Variants in CAMKK1 observed in about 807,000 individuals in gnomAD.
CAMKK1 encodes calcium/calmodulin-dependent protein kinase kinase 1.
A neutral mutation model predicts 63.5 loss-of-function variants in CAMKK1; 20 were observed. The observed-to-expected ratio is 0.32, with a 90% confidence interval of 0.22 to 0.46. The LOEUF is 0.46. Among genes scored for constraint, CAMKK1 ranks in the 20% least tolerant of loss-of-function variants. The probability of loss-of-function intolerance (pLI) is 1.00; values close to 1 mark genes in which losing one functional copy is unlikely to be tolerated. For missense variants in CAMKK1, 588 were observed against 658.1 expected (o/e 0.89, Z 1.17); for synonymous variants, 253 against 269.0 (o/e 0.94, Z 0.58).
At position 3,882,605 on chromosome 17, in the gene CAMKK1, G is replaced by T; in HGVS notation, c.649-41C>A. The T allele has an allele frequency of 6.4e-7, 1 of 1,570,488 alleles. No homozygotes were observed. The highest frequency in any genetic ancestry group is 8.6e-7 in the Non-Finnish European group (1 of 1,156,874). Reference sequence around the variant, plus strand: ...AGACATGGGGGTGGGGCTTGAGGAGGCGTGGGGTTGGAGGTCCCAGGCCTC... The same window carrying T: ...AGACATGGGGGTGGGGCTTGAGGAGTCGTGGGGTTGGAGGTCCCAGGCCTC... On this transcript the variant is annotated intron_variant, in intron 6 of 15. Coordinates refer to ENST00000348335, the MANE Select transcript of CAMKK1 (RefSeq NM_032294.3). The surrounding 1 kb of genome is among the most constrained non-coding windows in gnomAD (Gnocchi z 4.3).
chr17:3,867,058 A>C (rs912837809), intron 14 of CAMKK1, among the ~76,000 whole-genome samples: 3 of 152,320 alleles, frequency 2.0e-5, no homozygotes, highest in East Asian at 1.9e-4. Flanking sequence ...GAGACAGGCG[A>C]TAAGTAAAGA....
intron 1 of CAMKK1, among the ~76,000 whole-genome samples, chr17:3,888,851 G>A (rs1052943438): frequency 6.6e-6 from 1 of 152,176 alleles, no homozygotes; most frequent in Admixed American, 6.5e-5. Flanking sequence ...GGCCGCGTGT[G>A]TGAGGGCGTG....
intron 12 of CAMKK1, among the ~76,000 whole-genome samples, chr17:3,870,176 C>G (rs555067598): frequency 2.6e-5 from 4 of 152,066 alleles, no homozygotes; most frequent in African/African-American, 9.7e-5. Context: ...GACCCACTCA[C>G]CACCTCGTCC....
chr17:3,865,749 C>A, intron 15 of CAMKK1, 159 bp downstream of exon 15: 1 of 1,450,038 alleles, frequency 6.9e-7, no homozygotes, highest in Non-Finnish European at 9.1e-7. Flanking sequence ...CCCCGACTAA[C>A]CTTGGGGACA....
rs371186617 is a variant in CAMKK1 at position 3,870,555 on chromosome 17, C to T, written c.1125-667G>A. Among the ~76,000 whole-genome samples the T allele has an allele frequency of 3.8e-4, 58 of 152,144 alleles. No individual in the cohort carries two copies. In the East Asian group the frequency reaches 4.7e-3, roughly 12 times the overall value. ...TAATTTTTTGTATTTTTAGTAGAGACGGGGTTTCACCGTGTTAGCCAGGAT... is the reference window on the plus strand; with the variant it reads ...TAATTTTTTGTATTTTTAGTAGAGATGGGGTTTCACCGTGTTAGCCAGGAT... On this transcript the variant is annotated intron_variant, in intron 12 of 15. Transcript: ENST00000348335.
chr17:3,875,924 C>T (rs898103087), intron 10 of CAMKK1, among the ~76,000 whole-genome samples: 2 of 152,196 alleles, frequency 1.3e-5, no homozygotes, highest in African/African-American at 2.4e-5. Flanking sequence ...CAACTTCCCC[C>T]GAAACCATCC....
chr17:3,884,449 C>T lies in CAMKK1; in HGVS notation c.361-22G>A. On this transcript the variant is annotated intron_variant, in intron 2 of 15. Coordinates refer to ENST00000348335, the MANE Select transcript of CAMKK1 (RefSeq NM_032294.3). This position sits in a 1 kb window ranked among gnomAD's most constrained non-coding sequence, Gnocchi z 4.5. ...AGTCCTGTGGGGGAAGAGCGAGCAC[C>T]AGGTGGAGCTGGGTCCGGAGGCAGC... 2.5e-6 allele frequency: 4 copies of T among 1,611,960 alleles called. No homozygotes were observed. Among genetic ancestry groups the T allele is most frequent in the Non-Finnish European group, 3.4e-6 (4 of 1,178,958 alleles).
In CAMKK1 at chr17:3,890,918, G is replaced by C. The variant is rs534598284; in HGVS notation, c.-44+2021C>G. 6.6e-6 allele frequency among the ~76,000 whole-genome samples: 1 copy of C among 152,076 alleles called. No individual in the cohort carries two copies. The highest frequency in any genetic ancestry group is 1.5e-5 in the Non-Finnish European group (1 of 68,020). ...AAGTCCAGATTCTACCCACTGCTTCGTTTCCCACTATGTGGGTCTTCCCTG... is the reference window on the plus strand; with the variant it reads ...AAGTCCAGATTCTACCCACTGCTTCCTTTCCCACTATGTGGGTCTTCCCTG... On this transcript the variant is annotated intron_variant, in intron 1 of 15. Transcript: ENST00000348335. The surrounding 1 kb of genome is among the most constrained non-coding windows in gnomAD (Gnocchi z 6.5).
chr17:3,873,504 C>T, intron 10 of CAMKK1, 42 bp from the exon 11 acceptor site: 1 of 1,592,762 alleles, frequency 6.3e-7, no homozygotes, highest in Non-Finnish European at 8.6e-7. Context: ...ACAGGCACAG[C>T]CACCTCTGCC....
rs989665140 is a variant in CAMKK1 at position 3,862,763 on chromosome 17, G to C, written c.1446-480C>G. 6.6e-5 allele frequency among the ~76,000 whole-genome samples: 10 copies of C among 152,206 alleles called. No individual in the cohort carries two copies. Among genetic ancestry groups the C allele is most frequent in the African/African-American group, 2.4e-4 (10 of 41,440 alleles). On this transcript the variant is annotated intron_variant, in intron 15 of 15. Coordinates refer to ENST00000348335, the MANE Select transcript of CAMKK1 (RefSeq NM_032294.3). The surrounding 1 kb of genome is among the most constrained non-coding windows in gnomAD (Gnocchi z 4.1). ...TCCCACCTCAGCCTCCTGAGTAGCTGAGACTACAGGCACATGCCACCACGC... is the reference window on the plus strand; with the variant it reads ...TCCCACCTCAGCCTCCTGAGTAGCTCAGACTACAGGCACATGCCACCACGC...
chr17:3,870,411 G>GCCGGA (rs2054788816), intron 12 of CAMKK1, among the ~76,000 whole-genome samples: 2 of 151,836 alleles, frequency 1.3e-5, no homozygotes, highest in Non-Finnish European at 2.9e-5. Flanking sequence ...TGTGGCCCAG[G>GCCGGA]CTGGAGTGCA....
intron 14 of CAMKK1, 105 bp from the exon 15 acceptor site, chr17:3,866,116 G>A: frequency 7.6e-7 from 1 of 1,317,532 alleles, no homozygotes; most frequent in African/African-American, 1.5e-5. Context: ...CGCAGTGCGG[G>A]TCCCATCTCA....
Position 3,869,638 on chromosome 17 carries a change from G to C in CAMKK1, c.1213-23C>G, listed in dbSNP as rs368344264. 3.0e-5 allele frequency: 48 copies of C among 1,613,892 alleles called. No homozygotes were observed. The African/African-American group carries it at 6.3e-4, about 21-fold the overall frequency. On this transcript the variant is annotated intron_variant, in intron 13 of 15. Coordinates refer to ENST00000348335, the MANE Select transcript of CAMKK1 (RefSeq NM_032294.3). ...CAACTGTCGGGGCCGGGAGGGCAGG[G>C]AGAGGGGGAGAGGTCAGGCCATTAC...
intron 10 of CAMKK1, 104 bp downstream of exon 10, chr17:3,876,119 T>C: frequency 1.8e-6 from 2 of 1,098,286 alleles, no homozygotes; most frequent in Non-Finnish European, 2.6e-6. Context: ...TGTCACTCCC[T>C]AGACACAAAG....
At chr17:3,881,921 G>C in intron 7 of CAMKK1, 1 of 543,004 alleles carries the variant, frequency 1.8e-6, no homozygotes, top group Non-Finnish European at 3.3e-6. Context: ...GCACAGAGAA[G>C]GGGCAGAAAT....
rs1302749496 is a variant in CAMKK1, at chr17:3,860,958, G to C, written c.*1253C>G. 1 of 152,262 alleles carries C rather than the reference G, an allele frequency of 6.6e-6. No homozygotes were observed. Among genetic ancestry groups the C allele is most frequent in the Non-Finnish European group, 1.5e-5 (1 of 68,066 alleles). 9.4% of individuals were successfully genotyped at this position (152,262 alleles called of 1,614,324 possible). On this transcript the variant is annotated 3_prime_UTR_variant, in exon 16 of 16. Coordinates refer to ENST00000348335, the MANE Select transcript of CAMKK1 (RefSeq NM_032294.3). ...TTCCAGGGCAGTGTCCGAGTCCTGCGTGACCCTGTGGGGGTCAACCTCTAT... is the reference window on the plus strand; with the variant it reads ...TTCCAGGGCAGTGTCCGAGTCCTGCCTGACCCTGTGGGGGTCAACCTCTAT...
At chr17:3,880,292 C>A (rs757079141) in intron 9 of CAMKK1, 54 bp downstream of exon 9, 3 of 1,496,666 alleles carry the variant, frequency 2.0e-6, no homozygotes, top group Non-Finnish European at 2.8e-6. Context: ...TGGGCTCTGC[C>A]GCCTGCCAGA....
chr17:3,875,845 G>A (rs1275186570), intron 10 of CAMKK1, among the ~76,000 whole-genome samples: 1 of 152,082 alleles, frequency 6.6e-6, no homozygotes, highest in East Asian at 1.9e-4. Context: ...TCCAGGTCCT[G>A]CTCAGATCCT....
At position 3,862,713 on chromosome 17, in the gene CAMKK1, T is replaced by C. The variant is rs2054371818; in HGVS notation, c.1446-430A>G. On this transcript the variant is annotated intron_variant, in intron 15 of 15. Coordinates refer to ENST00000348335, the MANE Select transcript of CAMKK1 (RefSeq NM_032294.3). This position sits in a 1 kb window ranked among gnomAD's most constrained non-coding sequence, Gnocchi z 4.1. Reference sequence around the variant, plus strand: ...GGTGCAATCTCAGCTCATTGCAACCTCTGCCTTCCAGGCTCAAGCGATCCT... The same window carrying C: ...GGTGCAATCTCAGCTCATTGCAACCCCTGCCTTCCAGGCTCAAGCGATCCT... Among the ~76,000 whole-genome samples, 1 of 152,260 alleles carries C rather than the reference T, an allele frequency of 6.6e-6. No individual in the cohort carries two copies. The highest frequency in any genetic ancestry group is 6.5e-5 in the Admixed American group (1 of 15,292).
Sources: allele counts gnomAD v4.1 joint callset (sites outside exome capture counted in the v4.1 genomes callset), GRCh38; gene constraint gnomAD v4.1.1; non-coding constraint Gnocchi (gnomAD v3.1); transcripts MANE v1.5; gene names NCBI Gene and HGNC (gene_info 2026-07-23, HGNC 2026-07-21).